The following RBM47 variants were observed in gnomAD, a reference collection of about 807,000 sequenced individuals.
The protein encoded by RBM47 is RNA binding motif protein 47, also known as RNA-binding protein 47.
In RBM47, 21 loss-of-function variants were observed where a neutral mutation model predicts 47.1. The ratio of observed to expected loss-of-function variants is 0.45; its 90% CI spans 0.32 to 0.64. The LOEUF is 0.64. Ranked by LOEUF, RBM47 falls within the 30% of genes least tolerant of loss-of-function variation. RBM47 has a pLI of 0.05. For missense variants in RBM47, 708 were observed against 870.9 expected, an observed-to-expected ratio of 0.81 and a Z score of 2.35; for synonymous variants, 375 against 361.7, an observed-to-expected ratio of 1.04 and a Z score of -0.42.
At chr4:40,607,059 G>A (rs1038902553) in intron 1 of RBM47, among the ~76,000 whole-genome samples, 2 of 152,112 alleles carry the variant, frequency 1.3e-5, no homozygotes, top group Admixed American at 6.6e-5. Context: ...TCTCTTCTAC[G>A]CTGTGCAAAA....
At chr4:40,616,121 G>A (rs545967948) in intron 1 of RBM47, among the ~76,000 whole-genome samples, 39 of 152,280 alleles carry the variant, frequency 2.6e-4, no homozygotes, top group Non-Finnish European at 4.7e-4. Context: ...GGGAGGCCGA[G>A]GCGGGCGGAT....
intron 1 of RBM47, among the ~76,000 whole-genome samples, chr4:40,547,081 A>G (rs1688939): frequency 0.45 from 68,041 of 152,002 alleles, 19,040 homozygotes; most frequent in African/African-American, 0.8. Flanking sequence ...CTCAGTGAAC[A>G]AACTGCTCTC....
At position 40,426,039 on chromosome 4, in the gene RBM47, T is replaced by G. The variant is rs149047307; in HGVS notation, c.1647A>C (p.Thr549=). ...ASYVPFAAPA[T]ATIATLQKNA... is the part of the protein sequence containing the mutation. ...TCTTCTGTAGTGTGGCGATCGTGGC[T>G]GTAGCTGGAGCAGCAAATGGCACGT... The change falls in exon 7 of 7, where the codon ACA becomes ACC. Residue 549 remains threonine (T), a synonymous_variant. Coordinates refer to ENST00000295971, the MANE Select transcript of RBM47 (RefSeq NM_001098634.2). 26,430 of 1,614,198 alleles carry G rather than the reference T, an allele frequency of 0.016. 321 individuals are homozygous for G. Among genetic ancestry groups the G allele is most frequent in the Non-Finnish European group, 0.018 (20,912 of 1,180,040 alleles).
chr4:40,447,117 A>G (rs954429251), intron 3 of RBM47, among the ~76,000 whole-genome samples: 1 of 152,172 alleles, frequency 6.6e-6, no homozygotes, highest in Non-Finnish European at 1.5e-5. Flanking sequence ...CCAACCATCT[A>G]TGTAGATGCC....
chr4:40,457,623 C>A (rs1004689592), intron 3 of RBM47, among the ~76,000 whole-genome samples: 1 of 151,938 alleles, frequency 6.6e-6, no homozygotes, highest in Non-Finnish European at 1.5e-5. Context: ...TTAGTACAGA[C>A]AGGGTTTCAC....
chr4:40,614,417 G>A (rs1038255466), intron 1 of RBM47, among the ~76,000 whole-genome samples: 27 of 152,188 alleles, frequency 1.8e-4, no homozygotes, highest in African/African-American at 6.0e-4. Flanking sequence ...AAGGCAGTGA[G>A]GAGAAGGGCC....
At chr4:40,552,031 C>A (rs1729611179) in intron 1 of RBM47, among the ~76,000 whole-genome samples, 1 of 152,100 alleles carries the variant, frequency 6.6e-6, no homozygotes, top group South Asian at 2.1e-4. Flanking sequence ...ATTTTCTCTT[C>A]TAGAGAGCAA....
At chr4:40,548,387 C>A (rs562370460) in intron 1 of RBM47, among the ~76,000 whole-genome samples, 1 of 152,244 alleles carries the variant, frequency 6.6e-6, no homozygotes, top group East Asian at 1.9e-4. Flanking sequence ...GAACCAGGAG[C>A]CCACATTTGA....
At chr4:40,435,032 T>C (rs569719680) in intron 5 of RBM47, among the ~76,000 whole-genome samples, 10 of 152,198 alleles carry the variant, frequency 6.6e-5, no homozygotes, top group African/African-American at 2.4e-4. Context: ...ACTCACACAA[T>C]GGAGTTAATG....
intron 3 of RBM47, among the ~76,000 whole-genome samples, chr4:40,456,909 T>C (rs937081571): frequency 1.3e-5 from 2 of 151,996 alleles, no homozygotes; most frequent in African/African-American, 4.8e-5. Context: ...AGCCTCATTT[T>C]CTTGATGGAG....
chr4:40,501,863 A>T lies in RBM47; in HGVS notation c.-154-35164T>A, dbSNP rs187166445. Among the ~76,000 whole-genome samples, 419 of 152,342 alleles carry T rather than the reference A, an allele frequency of 2.8e-3. 3 individuals are homozygous for T. Among genetic ancestry groups the T allele is most frequent in the Non-Finnish European group, 4.7e-3 (319 of 68,036 alleles). On this transcript the variant is annotated intron_variant, in intron 2 of 6. Transcript: ENST00000295971. The stretch of plus-strand genomic sequence containing the variant: ...TTCTCAAGAGTCAACAGATGCTCAG[A>T]TAAGAGTGAAATAAAGCTCAGAAAC...
At position 40,438,351 on chromosome 4, in the gene RBM47, C is replaced by G. The variant is rs776015162; in HGVS notation, c.543G>C (p.Val181=). 5.0e-6 allele frequency: 8 copies of G among 1,611,456 alleles called. No homozygotes were observed. Among genetic ancestry groups the G allele is most frequent in the Non-Finnish European group, 6.8e-6 (8 of 1,179,968 alleles). ...TGTCGGCCGCGCTGGCGTAGACGAT[C>G]ACGTCCAGCACGCCCTCGGTGACCT... ...IAKVTEGVLD[V]IVYASAADKM... The change falls in exon 4 of 7, where the codon GTG becomes GTC. Residue 181 remains valine, a synonymous_variant. Transcript: ENST00000295971.
chr4:40,617,027 C>T (rs1271068707), intron 1 of RBM47, among the ~76,000 whole-genome samples: 1 of 151,758 alleles, frequency 6.6e-6, no homozygotes, highest in African/African-American at 2.4e-5. Context: ...AGGCGCCCGC[C>T]ACTGCGGCCA....
chr4:40,581,457 TA>T (rs1180927157), intron 1 of RBM47, among the ~76,000 whole-genome samples: 5 of 144,678 alleles, frequency 3.5e-5, no homozygotes, highest in African/African-American at 1.4e-4. Flanking sequence ...AATAAATAAA[TA>T]AATAAATAAA....
In RBM47 at chr4:40,554,683, T is replaced by G. The variant is rs372827502; in HGVS notation, c.-239-10177A>C. On this transcript the variant is annotated intron_variant, in intron 1 of 6. Coordinates refer to ENST00000295971, the MANE Select transcript of RBM47 (RefSeq NM_001098634.2). The stretch of plus-strand genomic sequence containing the variant: ...TTGCTCTAGAGGAAGAAAAAAAATT[T>G]TAAAGAAATAATTTAGCAGCAAAAT... Among the ~76,000 whole-genome samples the G allele has an allele frequency of 7.4e-4, 113 of 152,186 alleles. No homozygotes were observed. In the South Asian group the frequency reaches 7.7e-3, roughly 10 times the overall value.
intron 2 of RBM47, among the ~76,000 whole-genome samples, chr4:40,513,652 C>T (rs983752116): frequency 6.6e-6 from 1 of 151,986 alleles, no homozygotes; most frequent in Non-Finnish European, 1.5e-5. Context: ...TAGAAAAAGT[C>T]GGTCTCAAGC....
rs146159984 is a variant in RBM47, at chr4:40,627,387, G to A, written c.-240+2009C>T. 3.0e-3 allele frequency among the ~76,000 whole-genome samples: 458 copies of A among 152,132 alleles called. 1 individual carries two copies. The highest frequency in any genetic ancestry group is 0.011 in the African/African-American group (438 of 41,478). On this transcript the variant is annotated intron_variant, in intron 1 of 6. Transcript: ENST00000295971. The stretch of plus-strand genomic sequence containing the variant: ...ATTACCTAATCACAGTTTCACTTGA[G>A]CCTGGGTCCAATTTTAAGAAAATCT...
intron 2 of RBM47, among the ~76,000 whole-genome samples, chr4:40,521,096 C>CT (rs991678254): frequency 1.3e-4 from 20 of 152,128 alleles, no homozygotes; most frequent in African/African-American, 3.6e-4. Flanking sequence ...GTTGTTCTAC[C>CT]TTTTTTTAAA....
chr4:40,506,889 C>A (rs983341189), intron 2 of RBM47, among the ~76,000 whole-genome samples: 1 of 152,086 alleles, frequency 6.6e-6, no homozygotes, highest in Admixed American at 6.5e-5. Flanking sequence ...AATCCCAGCA[C>A]TTTGGGAGGC....
Sources: gnomAD v4.1 joint callset for allele counts (sites outside exome capture counted in the v4.1 genomes callset) on GRCh38, gnomAD v4.1.1 for gene constraint, MANE v1.5 for transcripts, NCBI Gene and HGNC (gene_info 2026-07-23, HGNC 2026-07-21) for gene names.